Variants in GABRB1 observed in about 807,000 individuals in gnomAD.
GABRB1 encodes gamma-aminobutyric acid receptor subunit beta-1.
A neutral mutation model predicts 51.6 loss-of-function variants in GABRB1; 17 were observed. The ratio of observed to expected loss-of-function variants is 0.33; its 90% CI spans 0.23 to 0.49. The LOEUF (loss-of-function observed/expected upper bound fraction) is 0.49, where lower values mean the gene tolerates loss of function less well. GABRB1 is among the 20% of genes least tolerant of loss of function. The probability of loss-of-function intolerance (pLI) is 0.99; values close to 1 mark genes in which losing one functional copy is unlikely to be tolerated. For synonymous variants in GABRB1, 247 were observed against 218.9 expected (o/e 1.13, Z -1.14); for missense variants, 410 against 600.6 (o/e 0.68, Z 3.32).
intron 3 of GABRB1, among the ~76,000 whole-genome samples, chr4:47,140,043 A>G (rs1440205816): frequency 6.6e-6 from 1 of 151,658 alleles, no homozygotes; most frequent in Non-Finnish European, 1.5e-5. Context: ...GACACTATAG[A>G]ATTGTGGAAG....
chr4:47,207,242 A>G (rs1436303032), intron 4 of GABRB1, among the ~76,000 whole-genome samples: 2 of 151,992 alleles, frequency 1.3e-5, no homozygotes, highest in South Asian at 2.1e-4. Context: ...TTAATGTAAC[A>G]TTACATTTAA....
At chr4:47,317,868 G>A (rs1363172821) in intron 4 of GABRB1, among the ~76,000 whole-genome samples, 1 of 151,646 alleles carries the variant, frequency 6.6e-6, no homozygotes, top group South Asian at 2.1e-4. Context: ...ATTCACATAC[G>A]GTGAATCATC....
At chr4:47,019,888 A>ATATGTATATGTATATG (rs1724874915) in intron 1 of GABRB1, among the ~76,000 whole-genome samples, 9 of 139,684 alleles carry the variant, frequency 6.4e-5, no homozygotes, top group African/African-American at 2.4e-4. Context: ...TATATATATA[A>ATATGTATATGTATATG]TATATGTATA....
At chr4:47,280,983 G>A (rs1357824061) in intron 4 of GABRB1, among the ~76,000 whole-genome samples, 1 of 151,932 alleles carries the variant, frequency 6.6e-6, no homozygotes, top group Non-Finnish European at 1.5e-5. Context: ...CAGAATTACT[G>A]GTTATTGTAT....
intron 3 of GABRB1, among the ~76,000 whole-genome samples, chr4:47,051,192 G>A (rs1476327477): frequency 6.6e-6 from 1 of 152,198 alleles, no homozygotes; most frequent in East Asian, 1.9e-4. Flanking sequence ...GGCTCTGCCA[G>A]TTTCACAGTG....
At chr4:47,199,445 G>C (rs1577994954) in intron 4 of GABRB1, among the ~76,000 whole-genome samples, 1 of 152,080 alleles carries the variant, frequency 6.6e-6, no homozygotes, top group Non-Finnish European at 1.5e-5. Context: ...GGATTTTTCA[G>C]GAAAAATCCC....
chr4:47,061,379 AC>A (rs1470992213), intron 3 of GABRB1, among the ~76,000 whole-genome samples: 1 of 152,182 alleles, frequency 6.6e-6, no homozygotes, highest in Non-Finnish European at 1.5e-5. Context: ...TTAAATGGTT[AC>A]TTTTGGTTTG....
At chr4:47,405,769 A>C (rs533415746) in intron 7 of GABRB1, among the ~76,000 whole-genome samples, 2 of 152,208 alleles carry the variant, frequency 1.3e-5, no homozygotes, top group South Asian at 4.1e-4. Flanking sequence ...AAATATCTAC[A>C]CTAGATTCCA....
chr4:47,170,227 G>A (rs538449904), intron 4 of GABRB1, among the ~76,000 whole-genome samples: 1 of 151,600 alleles, frequency 6.6e-6, no homozygotes, highest in Non-Finnish European at 1.5e-5. Flanking sequence ...ACCACGGATT[G>A]TGTGTGAGAA....
intron 5 of GABRB1, among the ~76,000 whole-genome samples, chr4:47,394,732 TAA>T (rs1173636508): frequency 6.8e-6 from 1 of 146,364 alleles, no homozygotes. Flanking sequence ...TTCATCACAT[TAA>T]AAAAAAAAAG....
intron 5 of GABRB1, among the ~76,000 whole-genome samples, chr4:47,350,212 TATATATAGAGAGAGAGAG>T (rs1726266978): frequency 1.2e-5 from 1 of 85,644 alleles, no homozygotes; most frequent in African/African-American, 5.1e-5. Flanking sequence ...TATATATATA[TATATATAGAGAGAGAGAG>T]AGAGAGAGAG....
chr4:47,162,118 T>C (rs2109739078), intron 4 of GABRB1, among the ~76,000 whole-genome samples: 1 of 152,188 alleles, frequency 6.6e-6, no homozygotes, highest in Middle Eastern at 3.4e-3. Context: ...CAACTTCAGT[T>C]AAAAATCTCT....
intron 3 of GABRB1, among the ~76,000 whole-genome samples, chr4:47,048,775 G>C (rs1312417180): frequency 6.6e-6 from 1 of 152,110 alleles, no homozygotes. Flanking sequence ...GCTCAGGGCT[G>C]TCTGACTTCA....
chr4:47,262,452 A>G (rs1328894466), intron 4 of GABRB1, among the ~76,000 whole-genome samples: 1 of 152,224 alleles, frequency 6.6e-6, no homozygotes, highest in Non-Finnish European at 1.5e-5. Context: ...AATGCTCATC[A>G]TCACTGGCCA....
intron 3 of GABRB1, among the ~76,000 whole-genome samples, chr4:47,136,607 C>CTATATA (rs1378192664): frequency 6.6e-6 from 1 of 151,966 alleles, no homozygotes; most frequent in Non-Finnish European, 1.5e-5. Context: ...TTAGCTGAAA[C>CTATATA]TATAGGTTTA....
chr4:47,242,966 C>G (rs566517875), intron 4 of GABRB1, among the ~76,000 whole-genome samples: 1 of 152,306 alleles, frequency 6.6e-6, no homozygotes, highest in Non-Finnish European at 1.5e-5. Context: ...TTGCCCTTGC[C>G]TATGTCCTGA....
At chr4:47,408,362 A>T (rs1728646417) in intron 8 of GABRB1, among the ~76,000 whole-genome samples, 2 of 152,334 alleles carry the variant, frequency 1.3e-5, no homozygotes, top group Non-Finnish European at 2.9e-5. Flanking sequence ...AAGAAAGCAG[A>T]GTAGTGTGAA....
At chr4:47,205,126 G>A (rs1037657787) in intron 4 of GABRB1, among the ~76,000 whole-genome samples, 3 of 152,184 alleles carry the variant, frequency 2.0e-5, no homozygotes, top group Non-Finnish European at 4.4e-5. Context: ...AATCCATGTG[G>A]CAACAGTAAT....
At chr4:47,035,687 G>A (rs930424814) in intron 3 of GABRB1, among the ~76,000 whole-genome samples, 2 of 152,000 alleles carry the variant, frequency 1.3e-5, no homozygotes, top group African/African-American at 4.8e-5. Context: ...ACTGACTAAA[G>A]ATGAACAGGA....
Sources: allele counts gnomAD v4.1 joint callset (sites outside exome capture counted in the v4.1 genomes callset), GRCh38; gene constraint gnomAD v4.1.1; transcripts MANE v1.5; gene names NCBI Gene and HGNC (gene_info 2026-07-23, HGNC 2026-07-21).